SEL1L3: variants seen among roughly 807,000 people sequenced by gnomAD.
The protein encoded by SEL1L3 is protein sel-1 homolog 3.
In SEL1L3, 76 loss-of-function variants were observed where a neutral mutation model predicts 142.8. The ratio of observed to expected loss-of-function variants is 0.53; its 90% CI spans 0.44 to 0.64. The LOEUF is 0.64. SEL1L3 is among the 30% of genes least tolerant of loss of function. SEL1L3 has a pLI of 0.00. For missense variants in SEL1L3, 1,262 were observed against 1,381.7 expected, an observed-to-expected ratio of 0.91 and a Z score of 1.37; for synonymous variants, 504 against 519.6, an observed-to-expected ratio of 0.97 and a Z score of 0.41.
At chr4:25,833,194 C>A in intron 4 of SEL1L3, 84 bp from the exon 5 acceptor site, 1 of 851,824 alleles carries the variant, frequency 1.2e-6, no homozygotes, top group South Asian at 1.4e-5. Context: ...AACAATTGTC[C>A]TAAGAAGCTA....
intron 13 of SEL1L3, among the ~76,000 whole-genome samples, chr4:25,786,935 G>C (rs761284614): frequency 6.6e-6 from 1 of 152,222 alleles, no homozygotes; most frequent in East Asian, 1.9e-4. Context: ...GGCCACAGCT[G>C]TGTTCTGGAG....
intron 6 of SEL1L3, among the ~76,000 whole-genome samples, chr4:25,823,400 G>A (rs1315276325): frequency 6.6e-6 from 1 of 152,052 alleles, no homozygotes. Flanking sequence ...CTGTAATCCA[G>A]CTACTCAGGG....
chr4:25,813,546 C>T (rs1714172489), intron 9 of SEL1L3, among the ~76,000 whole-genome samples: 1 of 152,090 alleles, frequency 6.6e-6, no homozygotes, highest in African/African-American at 2.4e-5. Context: ...GATGACGGCT[C>T]CCAGGGTTTG....
At chr4:25,837,452 G>A (rs1231652914) in intron 2 of SEL1L3, among the ~76,000 whole-genome samples, 2 of 151,020 alleles carry the variant, frequency 1.3e-5, no homozygotes, top group Non-Finnish European at 2.9e-5. Context: ...GAATGACAAT[G>A]AGCTCTTCCC....
At chr4:25,761,555 C>T (rs1718381308) in intron 20 of SEL1L3, among the ~76,000 whole-genome samples, 1 of 152,158 alleles carries the variant, frequency 6.6e-6, no homozygotes, top group Non-Finnish European at 1.5e-5. Context: ...AATGTAATAG[C>T]TTAAGGTTCC....
intron 1 of SEL1L3, among the ~76,000 whole-genome samples, chr4:25,857,785 C>T (rs929689406): frequency 4.6e-5 from 7 of 152,348 alleles, no homozygotes; most frequent in Admixed American, 6.5e-5. Flanking sequence ...CACCTGTCAC[C>T]GCTTTCTGGC....
chr4:25,781,946 C>T (rs193018908), intron 15 of SEL1L3, among the ~76,000 whole-genome samples: 8 of 152,330 alleles, frequency 5.3e-5, no homozygotes, highest in Non-Finnish European at 8.8e-5. Flanking sequence ...CCTGCGTCAT[C>T]TCCCACTCTT....
intron 2 of SEL1L3, among the ~76,000 whole-genome samples, chr4:25,843,388 G>A (rs1716298384): frequency 6.6e-6 from 1 of 152,136 alleles, no homozygotes; most frequent in South Asian, 2.1e-4. Context: ...TCCACGTGGT[G>A]AGAAATGCAA....
chr4:25,845,312 T>C (rs757376637), intron 2 of SEL1L3, among the ~76,000 whole-genome samples: 22 of 152,070 alleles, frequency 1.4e-4, no homozygotes, highest in Non-Finnish European at 3.1e-4. Context: ...CTGGGCAACA[T>C]AGGAAGACCC....
At chr4:25,831,504 AATAATAATTATTATT>A (rs1270395090) in intron 5 of SEL1L3, among the ~76,000 whole-genome samples, 1 of 94,374 alleles carries the variant, frequency 1.1e-5, no homozygotes, top group Non-Finnish European at 2.1e-5. Flanking sequence ...TAATAATAAT[AATAATAATTATTATT>A]ATTATTATTA....
chr4:25,777,083 A>T (rs1284228800), intron 16 of SEL1L3, among the ~76,000 whole-genome samples: 1 of 152,136 alleles, frequency 6.6e-6, no homozygotes, highest in Non-Finnish European at 1.5e-5. Context: ...ACCCAATTAC[A>T]TGCTGCTTAC....
At chr4:25,790,404 C>G (rs1712209996) in intron 12 of SEL1L3, 51 bp downstream of exon 12, 1 of 1,584,478 alleles carries the variant, frequency 6.3e-7, no homozygotes. Context: ...ACGGTATAAC[C>G]CAGTCTATCA....
intron 1 of SEL1L3, among the ~76,000 whole-genome samples, chr4:25,848,414 G>T (rs1344176628): frequency 6.6e-6 from 1 of 152,208 alleles, no homozygotes; most frequent in Admixed American, 6.5e-5. Flanking sequence ...ACAGGCAAGA[G>T]GCTTCTATTG....
Position 25,835,356 on chromosome 4 carries a change from T to C in SEL1L3, c.734-33A>G, listed in dbSNP as rs755341020. ...CAGCAAAATGGCTCCCTTTCAATTATATCCAGAAAAACATTCCTTCCCAAA... is the reference window on the plus strand; with the variant it reads ...CAGCAAAATGGCTCCCTTTCAATTACATCCAGAAAAACATTCCTTCCCAAA... On this transcript the variant is annotated intron_variant, in intron 2 of 23. Transcript: ENST00000399878. 4 of 1,608,984 alleles carry C rather than the reference T, an allele frequency of 2.5e-6. No individual in the cohort carries two copies. In the South Asian group the frequency reaches 4.4e-5, roughly 18 times the overall value.
At chr4:25,828,094 A>AGACAT (rs1715205450) in intron 6 of SEL1L3, among the ~76,000 whole-genome samples, 1 of 152,180 alleles carries the variant, frequency 6.6e-6, no homozygotes, top group African/African-American at 2.4e-5. Context: ...GTGCTCTTGA[A>AGACAT]GACATGTGCT....
At chr4:25,740,205 G>A in the SEL1L3 span, among the ~76,000 whole-genome samples, 43 of 149,606 alleles carry the variant, frequency 2.9e-4, no homozygotes, top group Middle Eastern at 3.4e-3. Context: ...AGGCTGAGGC[G>A]GGTGGATTAC....
At chr4:25,836,166 A>G (rs1216347455) in intron 2 of SEL1L3, among the ~76,000 whole-genome samples, 1 of 152,208 alleles carries the variant, frequency 6.6e-6, no homozygotes, top group Admixed American at 6.5e-5. Context: ...CACAAACACG[A>G]AAGAATTCTT....
At chr4:25,812,539 G>A (rs778844498) in intron 9 of SEL1L3, among the ~76,000 whole-genome samples, 48 of 152,136 alleles carry the variant, frequency 3.2e-4, no homozygotes, top group Admixed American at 9.8e-4. Context: ...GGCCAACATG[G>A]CGAAACCCTG....
At chr4:25,765,504 C>T (rs983642121) in intron 19 of SEL1L3, 69 bp from the exon 20 acceptor site, 64 of 1,012,528 alleles carry the variant, frequency 6.3e-5, no homozygotes, top group Admixed American at 5.7e-4. Context: ...AAATTATTGG[C>T]GCATTCACAT....
Sources: allele counts gnomAD v4.1 joint callset (sites outside exome capture counted in the v4.1 genomes callset), GRCh38; gene constraint gnomAD v4.1.1; transcripts MANE v1.5; gene names NCBI Gene and HGNC (gene_info 2026-07-23, HGNC 2026-07-21).